The following ABCB5 variants were observed in gnomAD, a reference collection of about 807,000 sequenced individuals.
ABCB5 encodes ATP binding cassette subfamily B member 5.
In ABCB5, 155 loss-of-function variants were observed where a neutral mutation model predicts 144.2. That is an observed-to-expected ratio of 1.08 (90% CI 0.94 to 1.23). The LOEUF is 1.23. ABCB5 is among the 50% of genes most tolerant of loss of function. ABCB5 has a pLI of 0.00. For missense variants in ABCB5, 1,830 were observed against 1,520.8 expected, an observed-to-expected ratio of 1.20 and a Z score of -3.38; for synonymous variants, 610 against 528.6, an observed-to-expected ratio of 1.15 and a Z score of -2.11.
chr7:20,706,983 G>C lies in ABCB5; in HGVS notation c.2421+2176G>C, dbSNP rs1786848103. The stretch of plus-strand genomic sequence containing the variant: ...GATGGATTCATATTCAATTTCAATG[G>C]ACAGTTTTTCTATAAAAGGAAGAGT... On this transcript the variant is annotated intron_variant, in intron 20 of 27. Transcript: ENST00000404938. Among the ~76,000 whole-genome samples, 3 of 152,134 alleles carry C rather than the reference G, an allele frequency of 2.0e-5. No individual in the cohort carries two copies. In the South Asian group the frequency reaches 6.2e-4, roughly 32 times the overall value.
chr7:20,635,267 T>C (rs1784130217), intron 5 of ABCB5, among the ~76,000 whole-genome samples: 2 of 152,108 alleles, frequency 1.3e-5, no homozygotes, highest in South Asian at 4.1e-4. Flanking sequence ...TCTATGTGTC[T>C]ATTATTATAC....
chr7:20,720,924 A>C (rs966071215), intron 20 of ABCB5, among the ~76,000 whole-genome samples: 1 of 139,038 alleles, frequency 7.2e-6, no homozygotes, highest in African/African-American at 2.7e-5. Flanking sequence ...AGCCTGGGCG[A>C]CAGAGCGAAA....
rs376309575 is a variant in ABCB5 at position 20,743,037 on chromosome 7, T to A, written c.3185T>A (p.Leu1062His). Residue 1062 changes from leucine (L) to histidine (H), a missense_variant, in exon 25 of 28, where the codon CTT becomes CAT. Transcript: ENST00000404938. The stretch of plus-strand genomic sequence containing the variant: ...TGTGGGAAAAGCACTTCTGTTCAAC[T>A]TCTGCAGAGACTTTATGACCCCGTG... ...SGCGKSTSVQ[L>H]LQRLYDPVQG... 3.7e-6 allele frequency: 6 copies of A among 1,614,000 alleles called. No homozygotes were observed. The highest frequency in any genetic ancestry group is 5.1e-6 in the Non-Finnish European group (6 of 1,180,002).
At chr7:20,672,012 G>T (rs1466834904) in intron 14 of ABCB5, among the ~76,000 whole-genome samples, 1 of 152,196 alleles carries the variant, frequency 6.6e-6, no homozygotes, top group African/African-American at 2.4e-5. Flanking sequence ...CTGAAGAAAT[G>T]TATAGTAGTA....
intron 14 of ABCB5, among the ~76,000 whole-genome samples, chr7:20,674,219 A>G (rs937535415): frequency 1.3e-5 from 2 of 151,938 alleles, no homozygotes; most frequent in Non-Finnish European, 2.9e-5. Context: ...CGGAGTTACA[A>G]TTTCCAGTGT....
At chr7:20,673,288 G>T (rs572161229) in intron 14 of ABCB5, among the ~76,000 whole-genome samples, 1 of 151,860 alleles carries the variant, frequency 6.6e-6, no homozygotes, top group Non-Finnish European at 1.5e-5. Flanking sequence ...GTGTTGAGTT[G>T]GTTGATACTA....
Position 20,651,401 on chromosome 7 carries a change from T to A in ABCB5, c.1333-19T>A, listed in dbSNP as rs764131685. ...ACAGTAAAAGGCATCACAACATGGT[T>A]CATTCTTTGGATTGGCAGATCATGG... On this transcript the variant is annotated intron_variant, in intron 12 of 27. Coordinates refer to ENST00000404938, the MANE Select transcript of ABCB5 (RefSeq NM_001163941.2). 2 of 1,613,814 alleles carry A rather than the reference T, an allele frequency of 1.2e-6. No homozygotes were observed. The highest frequency in any genetic ancestry group is 2.2e-5 in the South Asian group (2 of 91,078).
Position 20,745,300 on chromosome 7 carries a change from T to G in ABCB5, c.3291T>G (p.Pro1097=). 6.2e-7 allele frequency: 1 copy of G among 1,614,066 alleles called. No individual in the cohort carries two copies. The highest frequency in any genetic ancestry group is 8.5e-7 in the Non-Finnish European group (1 of 1,179,942). Residue 1097 remains proline, a synonymous_variant, in exon 26 of 28, where the codon CCT becomes CCG. Coordinates refer to ENST00000404938, the MANE Select transcript of ABCB5 (RefSeq NM_001163941.2). ...TCCGTTCCCAAATAGCAATCGTTCC[T>G]CAAGAGCCTGTGCTCTTCAACTGCA... ...QWLRSQIAIV[P]QEPVLFNCSI... is the part of the protein sequence containing the mutation.
At chr7:20,682,999 G>C (rs190292408) in intron 15 of ABCB5, among the ~76,000 whole-genome samples, 7 of 152,114 alleles carry the variant, frequency 4.6e-5, no homozygotes, top group Non-Finnish European at 7.4e-5. Context: ...GACCTGGAAG[G>C]CATCCTTTTT....
intron 13 of ABCB5, among the ~76,000 whole-genome samples, 166 bp from the exon 14 acceptor site, chr7:20,658,340 T>TA (rs200423143): frequency 0.03 from 4,604 of 151,842 alleles, 264 homozygotes; most frequent in African/African-American, 0.11. Context: ...TTTTTTTTTT[T>TA]TACAGCGGTT....
At position 20,651,602 on chromosome 7, in the gene ABCB5, T is replaced by G. The variant is rs1562539603; in HGVS notation, c.1515T>G (p.Asp505Glu). 1 of 1,614,082 alleles carries G rather than the reference T, an allele frequency of 6.2e-7. No individual in the cohort carries two copies. The change falls in exon 13 of 28, where the codon GAT becomes GAG. Residue 505 changes from aspartate (D) to glutamate (E), a missense_variant. Physicochemically the swap from Asp to Glu is conservative, Grantham distance 45. Coordinates refer to ENST00000404938, the MANE Select transcript of ABCB5 (RefSeq NM_001163941.2). ...ERAAREANAY[D>E]FIMEFPNKFN... ...CAGCAAGGGAAGCAAATGCGTATGA[T>G]TTTATCATGGAGTTTCCTAATGTGA...
chr7:20,698,795 T>C (rs1786511275), intron 17 of ABCB5, among the ~76,000 whole-genome samples: 1 of 152,190 alleles, frequency 6.6e-6, no homozygotes, highest in African/African-American at 2.4e-5. Flanking sequence ...GTTTTCTAAT[T>C]TTTACTCCAG....
chr7:20,677,388 A>T (rs901125287), intron 14 of ABCB5, among the ~76,000 whole-genome samples: 6 of 152,176 alleles, frequency 3.9e-5, no homozygotes, highest in Non-Finnish European at 8.8e-5. Context: ...TTTTAGTATC[A>T]GACTAAAAAT....
At chr7:20,639,676 G>C (rs561939543) in intron 5 of ABCB5, among the ~76,000 whole-genome samples, 1 of 152,268 alleles carries the variant, frequency 6.6e-6, no homozygotes, top group African/African-American at 2.4e-5. Flanking sequence ...GTCCGTTTCT[G>C]TTCTCTAGGC....
At chr7:20,732,894 T>C (rs181934574) in intron 23 of ABCB5, among the ~76,000 whole-genome samples, 35 of 152,330 alleles carry the variant, frequency 2.3e-4, no homozygotes, top group Non-Finnish European at 2.9e-4. Flanking sequence ...CGTTAGGATG[T>C]TTCCTTTAAG....
At chr7:20,640,306 G>A (rs1276745923) in intron 5 of ABCB5, among the ~76,000 whole-genome samples, 1 of 152,172 alleles carries the variant, frequency 6.6e-6, no homozygotes, top group East Asian at 1.9e-4. Flanking sequence ...AACCTCTGGT[G>A]ACAAACTTTT....
intron 20 of ABCB5, among the ~76,000 whole-genome samples, chr7:20,709,192 A>G (rs1229920250): frequency 6.6e-6 from 1 of 151,040 alleles, no homozygotes; most frequent in Non-Finnish European, 1.5e-5. Flanking sequence ...CCACTGCTAC[A>G]ATCAAACATG....
intron 25 of ABCB5, among the ~76,000 whole-genome samples, chr7:20,744,508 G>A (rs577183464): frequency 7.9e-5 from 12 of 151,754 alleles, no homozygotes; most frequent in African/African-American, 2.7e-4. Context: ...TGCCTCAGTC[G>A]CTCTACCCTG....
intron 16 of ABCB5, among the ~76,000 whole-genome samples, chr7:20,696,711 T>G (rs953103771): frequency 1.3e-5 from 2 of 152,166 alleles, no homozygotes; most frequent in African/African-American, 4.8e-5. Context: ...TGTTTTTGTA[T>G]GAGATTATTT....
Sources: allele counts gnomAD v4.1 joint callset (sites outside exome capture counted in the v4.1 genomes callset), GRCh38; gene constraint gnomAD v4.1.1; transcripts MANE v1.5; gene names NCBI Gene and HGNC (gene_info 2026-07-23, HGNC 2026-07-21).